LRRC8B: variants seen among roughly 807,000 people sequenced by gnomAD.
LRRC8B encodes leucine rich repeat containing 8 VRAC subunit B.
A neutral mutation model predicts 58.8 loss-of-function variants in LRRC8B; 23 were observed. The observed-to-expected ratio is 0.39, with a 90% CI of 0.28 to 0.55. The LOEUF (loss-of-function observed/expected upper bound fraction) is 0.55. Among genes scored for constraint, LRRC8B ranks in the 20% least tolerant of loss-of-function variants. The pLI is 0.62. For missense variants in LRRC8B, 694 were observed against 936.0 expected (o/e 0.74, Z 3.37); for synonymous variants, 359 against 374.1 (o/e 0.96, Z 0.47).
chr1:89,578,066 G>A (rs1466614204), intron 3 of LRRC8B, among the ~76,000 whole-genome samples: 1 of 152,090 alleles, frequency 6.6e-6, no homozygotes, highest in Non-Finnish European at 1.5e-5. Flanking sequence ...CTTTGGGACT[G>A]CCTTAATTTC....
rs1011595183 is a variant in LRRC8B at position 89,584,908 on chromosome 1, T to A, written c.2139+119T>A. The A allele has an allele frequency of 2.2e-5, 15 of 667,974 alleles. No individual in the cohort carries two copies. In the African/African-American group the frequency reaches 2.4e-4, roughly 11 times the overall value. 41.4% of individuals were successfully genotyped at this position (667,974 alleles called of 1,614,324 possible). On this transcript the variant is annotated intron_variant, in intron 5 of 5. Coordinates refer to ENST00000330947, the MANE Select transcript of LRRC8B (RefSeq NM_001369817.2). ...TTCTCAAGCCAAGCCCAATCCGATC[T>A]TGCATAAATTACCAAAACACTGAGC...
intron 1 of LRRC8B, among the ~76,000 whole-genome samples, chr1:89,548,706 A>G (rs1557599270): frequency 6.6e-6 from 1 of 152,202 alleles, no homozygotes; most frequent in African/African-American, 2.4e-5. Context: ...GCCAGAAGTC[A>G]GAAGAGTGTG....
In LRRC8B at chr1:89,582,946, G is replaced by A. The variant is rs1324024886; in HGVS notation, c.296G>A (p.Arg99Gln). The change falls in exon 5 of 6, where the codon CGA (arginine) becomes CAA (glutamine). Residue 99 changes from arginine (R) to glutamine (Q), a missense_variant. Physicochemically the swap from Arg to Gln is conservative, Grantham distance 43 (BLOSUM62 1). Around this residue, in one of 5 missense-constraint regions of LRRC8B, gnomAD observed 316 missense variants for 403.8 expected, o/e 0.78. Coordinates refer to ENST00000330947, the MANE Select transcript of LRRC8B (RefSeq NM_001369817.2). Reference sequence around the variant, plus strand: ...CTCCGAATTCAGAATGACCTCCACCGACAGCAGTACTCCTATATTGATGCC... The same window carrying A: ...CTCCGAATTCAGAATGACCTCCACCAACAGCAGTACTCCTATATTGATGCC... ...LPLRIQNDLH[R>Q]QQYSYIDAVC... 1.9e-6 allele frequency: 3 copies of A among 1,614,096 alleles called. No homozygotes were observed. Among genetic ancestry groups the A allele is most frequent in the Non-Finnish European group, 2.5e-6 (3 of 1,180,018 alleles).
chr1:89,575,500 T>C (rs1434596325), intron 3 of LRRC8B, among the ~76,000 whole-genome samples: 1 of 152,070 alleles, frequency 6.6e-6, no homozygotes, highest in Non-Finnish European at 1.5e-5. Flanking sequence ...CAGCCAACAC[T>C]ATGAAGTAAA....
intron 1 of LRRC8B, among the ~76,000 whole-genome samples, chr1:89,530,798 T>A (rs1650070186): frequency 6.6e-6 from 1 of 152,038 alleles, no homozygotes; most frequent in Non-Finnish European, 1.5e-5. Context: ...ACCTTTCCAT[T>A]TTGCACAGAC....
At chr1:89,559,865 AG>A (rs764911085) in intron 1 of LRRC8B, among the ~76,000 whole-genome samples, 37 of 152,284 alleles carry the variant, frequency 2.4e-4, no homozygotes, top group Non-Finnish European at 4.7e-4. Context: ...CCAGTTTATG[AG>A]TTGACAATTG....
At chr1:89,569,150 T>C (rs1276613758) in intron 3 of LRRC8B, among the ~76,000 whole-genome samples, 2 of 152,138 alleles carry the variant, frequency 1.3e-5, no homozygotes, top group East Asian at 1.9e-4. Flanking sequence ...GCTCTGAACA[T>C]ATAGTCTAGG....
At chr1:89,580,984 G>A (rs1654175012) in intron 4 of LRRC8B, among the ~76,000 whole-genome samples, 1 of 152,038 alleles carries the variant, frequency 6.6e-6, no homozygotes, top group African/African-American at 2.4e-5. Context: ...CAGAAAGAGG[G>A]CAAATGAGAG....
chr1:89,551,498 TG>T (rs1213900620), intron 1 of LRRC8B, among the ~76,000 whole-genome samples: 3 of 152,244 alleles, frequency 2.0e-5, no homozygotes, highest in African/African-American at 7.2e-5. Context: ...GTTCACTTTT[TG>T]TACAAATTTC....
chr1:89,549,403 G>C (rs1033720949), intron 1 of LRRC8B, among the ~76,000 whole-genome samples: 1 of 152,198 alleles, frequency 6.6e-6, no homozygotes, highest in African/African-American at 2.4e-5. Context: ...AAGTAAAGAT[G>C]AAGTAGCTTG....
intron 3 of LRRC8B, among the ~76,000 whole-genome samples, chr1:89,571,547 C>T (rs746639212): frequency 1.3e-5 from 2 of 152,078 alleles, no homozygotes; most frequent in Non-Finnish European, 2.9e-5. Flanking sequence ...ACATTGATTT[C>T]GTATCTGGAG....
chr1:89,538,110 A>G (rs1650671490), intron 1 of LRRC8B, among the ~76,000 whole-genome samples: 1 of 152,134 alleles, frequency 6.6e-6, no homozygotes, highest in African/African-American at 2.4e-5. Flanking sequence ...CTGAAAGAGC[A>G]TGGTTAGAAC....
chr1:89,531,560 G>C (rs1185504415), intron 1 of LRRC8B, among the ~76,000 whole-genome samples: 2 of 152,140 alleles, frequency 1.3e-5, no homozygotes, highest in Non-Finnish European at 2.9e-5. Flanking sequence ...GATCCTCTCT[G>C]GTAGCAGCCC....
intron 5 of LRRC8B, among the ~76,000 whole-genome samples, chr1:89,585,642 A>G (rs1406710994): frequency 6.6e-6 from 1 of 152,054 alleles, no homozygotes; most frequent in Non-Finnish European, 1.5e-5. Flanking sequence ...CCACACTTCA[A>G]AATATATTAT....
intron 1 of LRRC8B, among the ~76,000 whole-genome samples, chr1:89,548,177 AT>A (rs34473704): frequency 4.6e-5 from 7 of 152,180 alleles, no homozygotes; most frequent in African/African-American, 1.4e-4. Flanking sequence ...AAATAACTAT[AT>A]TTTTTTCTAG....
At chr1:89,577,141 G>A (rs997951265) in intron 3 of LRRC8B, among the ~76,000 whole-genome samples, 3 of 152,030 alleles carry the variant, frequency 2.0e-5, no homozygotes, top group African/African-American at 7.2e-5. Flanking sequence ...GGAATTGTTC[G>A]GCTATAATCC....
chr1:89,532,019 G>A (rs1650171653), intron 1 of LRRC8B, among the ~76,000 whole-genome samples: 1 of 152,000 alleles, frequency 6.6e-6, no homozygotes, highest in African/African-American at 2.4e-5. Context: ...CTCCCTCAGT[G>A]GCACACCAAG....
rs1448609406 is a variant in LRRC8B at position 89,583,463 on chromosome 1, C to T, written c.813C>T (p.Leu271=). The T allele has an allele frequency of 1.9e-6, 3 of 1,614,054 alleles. No homozygotes were observed. The highest frequency in any genetic ancestry group is 2.2e-5 in the East Asian group (1 of 44,884). The change falls in exon 5 of 6, where the codon CTC becomes CTT. Residue 271 remains leucine (L), a synonymous_variant. Coordinates refer to ENST00000330947, the MANE Select transcript of LRRC8B (RefSeq NM_001369817.2). This position sits in a 1 kb window ranked among gnomAD's most constrained non-coding sequence, Gnocchi z 5.2. ...TAGTCAAAGTCATTTTGTTTGTGCTCATCATAACTTATGTTCCATATTTTT... is the reference window on the plus strand; with the variant it reads ...TAGTCAAAGTCATTTTGTTTGTGCTTATCATAACTTATGTTCCATATTTTT... ...QIIVKVILFV[L]IITYVPYFLT... is the part of the protein sequence containing the mutation.
intron 1 of LRRC8B, among the ~76,000 whole-genome samples, chr1:89,546,934 ATTG>A (rs1474116552): frequency 1.3e-5 from 2 of 152,202 alleles, no homozygotes; most frequent in African/African-American, 4.8e-5. Flanking sequence ...GTGAAAACTG[ATTG>A]TTGTGTTATA....
Sources: gnomAD v4.1 joint callset for allele counts (sites outside exome capture counted in the v4.1 genomes callset) on GRCh38, gnomAD v4.1.1 for gene constraint, gnomAD v4.1.1 regional missense constraint, Gnocchi (gnomAD v3.1) non-coding constraint, MANE v1.5 for transcripts, NCBI Gene and HGNC (gene_info 2026-07-23, HGNC 2026-07-21) for gene names.